MECR: variants seen among roughly 807,000 people sequenced by gnomAD.
The protein encoded by MECR is enoyl-[acyl-carrier-protein] reductase, mitochondrial.
MECR carries 37 observed loss-of-function variants against 49.1 expected under a neutral mutation model. That is an observed-to-expected ratio of 0.75 (90% confidence interval 0.58 to 0.99). The LOEUF (loss-of-function observed/expected upper bound fraction) is 0.99. MECR is among the 50% of genes least tolerant of loss of function. The probability of loss-of-function intolerance (pLI) is 0.00; values close to 1 mark genes in which losing one functional copy is unlikely to be tolerated. For missense variants in MECR, 470 were observed against 479.6 expected (o/e 0.98, Z 0.19); for synonymous variants, 198 against 191.1 (o/e 1.04, Z -0.30).
At chr1:29,168,852 G>A in the MECR span, 22 of 152,306 alleles carry the variant, frequency 1.4e-4, no homozygotes, top group Admixed American at 1.4e-3. Context: ...GCAAGGAATG[G>A]TGACTTGAAC....
the MECR span, among the ~76,000 whole-genome samples, chr1:29,182,153 C>T: frequency 6.6e-6 from 1 of 152,236 alleles, no homozygotes; most frequent in Non-Finnish European, 1.5e-5. Flanking sequence ...GTCCGCACCT[C>T]CTAGAGCCCA....
rs1673219840 is a variant in MECR, at chr1:29,192,975, T to C, written c.*1047A>G. 6.6e-6 allele frequency: 1 copy of C among 151,926 alleles called. No homozygotes were observed. The highest frequency in any genetic ancestry group is 1.5e-5 in the Non-Finnish European group (1 of 68,018). 9.4% of individuals were successfully genotyped at this position (151,926 alleles called of 1,614,324 possible). On this transcript the variant is annotated 3_prime_UTR_variant, in exon 10 of 10. Transcript: ENST00000263702. ...TTTTTTTTTTTTTGATATAGGGTCT[T>C]GCTCTGTTGCCTAGGCTGGAATGCA...
downstream of MECR, among the ~76,000 whole-genome samples, chr1:29,191,909 T>C (rs6661685): frequency 0.37 from 56,097 of 151,768 alleles, 11,173 homozygotes; most frequent in Non-Finnish European, 0.44. Context: ...CTGGCCAACA[T>C]AGTGAAACCC....
the MECR span, among the ~76,000 whole-genome samples, chr1:29,180,433 A>G: frequency 1.3e-5 from 2 of 152,234 alleles, no homozygotes; most frequent in African/African-American, 4.8e-5. Flanking sequence ...GATTCTAATA[A>G]TTAATTTGAA....
intron 9 of MECR, among the ~76,000 whole-genome samples, chr1:29,194,526 G>A (rs1673499284): frequency 6.6e-6 from 1 of 152,194 alleles, no homozygotes; most frequent in Non-Finnish European, 1.5e-5. Context: ...GATGGCGGAG[G>A]CAGGGAGGCC....
the MECR span, among the ~76,000 whole-genome samples, chr1:29,185,700 C>A: frequency 6.6e-6 from 1 of 152,204 alleles, no homozygotes; most frequent in African/African-American, 2.4e-5. Flanking sequence ...CAGGTGTGAG[C>A]CACCTTGCCC....
intron 1 of MECR, among the ~76,000 whole-genome samples, chr1:29,217,233 A>G (rs1372785607): frequency 1.4e-5 from 2 of 144,364 alleles, no homozygotes; most frequent in Non-Finnish European, 3.0e-5. Flanking sequence ...TTTTTTAGAC[A>G]GAGTCTCACT....
the MECR span, among the ~76,000 whole-genome samples, chr1:29,187,198 A>G: frequency 1.4e-4 from 21 of 152,178 alleles, no homozygotes; most frequent in African/African-American, 5.1e-4. Context: ...TGGCACACAC[A>G]GGTTAACGCA....
intron 1 of MECR, among the ~76,000 whole-genome samples, chr1:29,219,353 AT>A (rs1190309716): frequency 6.6e-6 from 1 of 152,118 alleles, no homozygotes; most frequent in South Asian, 2.1e-4. Context: ...GTTTAAAGAC[AT>A]TTTTTCTGCA....
chr1:29,193,721 G>C lies in MECR; in HGVS notation c.*301C>G. 3.2e-6 allele frequency: 1 copy of C among 314,434 alleles called. No homozygotes were observed. The highest frequency in any genetic ancestry group is 4.1e-5 in the South Asian group (1 of 24,298). 19.5% of individuals were successfully genotyped at this position (314,434 alleles called of 1,614,324 possible). On this transcript the variant is annotated 3_prime_UTR_variant, in exon 10 of 10. Transcript: ENST00000263702. ...CAGGGTGGTCAGAAAATGATTACTGGGGGAACACATGACAGAAAAGCAGGA... is the reference window on the plus strand; with the variant it reads ...CAGGGTGGTCAGAAAATGATTACTGCGGGAACACATGACAGAAAAGCAGGA...
Position 29,201,945 on chromosome 1 carries a change from TA to T in MECR, c.753del (p.Phe251LeufsTer26). The T allele has an allele frequency of 6.2e-7, 1 of 1,612,990 alleles. No individual in the cohort carries two copies. The highest frequency in any genetic ancestry group is 8.5e-7 in the Non-Finnish European group (1 of 1,178,986). On this transcript the variant is annotated frameshift_variant, in exon 6 of 10. Coordinates refer to ENST00000263702, the MANE Select transcript of MECR (RefSeq NM_016011.5). LOFTEE classifies it high-confidence loss of function. The surrounding 1 kb of genome is among the most constrained non-coding windows in gnomAD (Gnocchi z 4.3). Reference sequence around the variant, plus strand: ...GCAATGTCCCTCTTCCTAGGTACCTTAAAGAAGTTTTTCATTTCGGGCCTTC... The same window carrying T: ...GCAATGTCCCTCTTCCTAGGTACCTTAAGAAGTTTTTCATTTCGGGCCTTC... The part of the protein sequence containing the change: ...ELRRPEMKNF[F>X]KDMPQPRLAL...
chr1:29,230,076 C>T (rs149644236), intron 1 of MECR, among the ~76,000 whole-genome samples: 102 of 152,282 alleles, frequency 6.7e-4, no homozygotes, highest in Non-Finnish European at 1.2e-3. Context: ...TCTTTTTAAC[C>T]AAGCCAAGAT....
chr1:29,199,189 T>C (rs970009143), intron 7 of MECR, among the ~76,000 whole-genome samples: 1 of 152,158 alleles, frequency 6.6e-6, no homozygotes, highest in Non-Finnish European at 1.5e-5. Flanking sequence ...CCTGCTTTAA[T>C]TAGGAAGTGT....
At chr1:29,223,195 T>A in intron 1 of MECR, 1 of 985,346 alleles carries the variant, frequency 1.0e-6, no homozygotes, top group Non-Finnish European at 1.2e-6. Flanking sequence ...GATGCCACTG[T>A]CCTCAATCAA....
the MECR span, among the ~76,000 whole-genome samples, chr1:29,180,346 A>T: frequency 3.3e-5 from 5 of 152,254 alleles, no homozygotes; most frequent in African/African-American, 1.2e-4. Context: ...GTTTTACTGT[A>T]GAAAAGGAGT....
chr1:29,171,295 G>A, the MECR span: 1 of 151,374 alleles, frequency 6.6e-6, no homozygotes, highest in African/African-American at 2.4e-5. Flanking sequence ...AGAGACTAAA[G>A]GCTGAACAAG....
downstream of MECR, among the ~76,000 whole-genome samples, chr1:29,189,420 C>A (rs911916208): frequency 5.9e-5 from 9 of 151,516 alleles, no homozygotes; most frequent in Admixed American, 3.3e-4. Context: ...CTCATGTTGC[C>A]CAGGCTGGTC....
chr1:29,207,038 G>C, intron 3 of MECR, 133 bp from the exon 4 acceptor site: 1 of 921,388 alleles, frequency 1.1e-6, no homozygotes, highest in Non-Finnish European at 1.6e-6. Context: ...ATAGCATCCA[G>C]GATGTTTAGA....
the MECR span, chr1:29,181,888 T>A: frequency 8.4e-6 from 5 of 594,434 alleles, no homozygotes; most frequent in Non-Finnish European, 1.3e-5. Flanking sequence ...CCCGGCGACG[T>A]ACGCGAGCAC....
Sources: allele counts gnomAD v4.1 joint callset (sites outside exome capture counted in the v4.1 genomes callset), GRCh38; gene constraint gnomAD v4.1.1; non-coding constraint Gnocchi (gnomAD v3.1); transcripts MANE v1.5; gene names NCBI Gene and HGNC (gene_info 2026-07-23, HGNC 2026-07-21).